Variants in CRPPA observed in about 807,000 individuals in gnomAD.
CRPPA encodes the protein CDP-L-ribitol pyrophosphorylase A.
CRPPA carries 43 observed loss-of-function variants against 52.0 expected under a neutral mutation model. The observed-to-expected ratio is 0.83, with a 90% confidence interval of 0.65 to 1.07. CRPPA has a LOEUF of 1.07. Ranked by LOEUF, CRPPA falls within the 50% of genes least tolerant of loss-of-function variation. The pLI is 0.00. For missense variants in CRPPA, 629 were observed against 551.7 expected, an observed-to-expected ratio of 1.14 and a Z score of -1.40; for synonymous variants, 250 against 203.5, an observed-to-expected ratio of 1.23 and a Z score of -1.94.
intron 3 of CRPPA, among the ~76,000 whole-genome samples, chr7:16,349,540 G>A (rs1021222806): frequency 6.6e-5 from 10 of 152,076 alleles, no homozygotes; most frequent in Non-Finnish European, 1.5e-4. Context: ...GGTGAGAAAA[G>A]CAATGCAAAA....
At chr7:16,264,142 T>C (rs1783891434) in intron 6 of CRPPA, among the ~76,000 whole-genome samples, 1 of 152,138 alleles carries the variant, frequency 6.6e-6, no homozygotes, top group Admixed American at 6.6e-5. Context: ...ATAGCAAAGG[T>C]ATCTGTGACA....
In CRPPA at chr7:16,089,170, A is replaced by T. The variant is rs1781761230; in HGVS notation, c.*2525T>A. The T allele has an allele frequency of 3.4e-6, 1 of 292,840 alleles. No homozygotes were observed. Among genetic ancestry groups the T allele is most frequent in the Admixed American group, 2.8e-5 (1 of 35,392 alleles). The allele number at this position is 292,840 out of a possible 1,614,324, so 18.1% of individuals were successfully genotyped here. On this transcript the variant is annotated 3_prime_UTR_variant, in exon 10 of 10. Transcript: ENST00000407010. ...ATACATAAAACATAAAAATACATAT[A>T]TACGTACGTATATACATATATGTGT... is the stretch of plus-strand genomic sequence containing the variant.
chr7:16,116,585 C>G (rs1360457777), intron 9 of CRPPA, among the ~76,000 whole-genome samples: 1 of 148,416 alleles, frequency 6.7e-6, no homozygotes, highest in South Asian at 2.2e-4. Context: ...TTGCTTGAAC[C>G]CAGGAGATGG....
chr7:16,254,518 C>T (rs1783560227), intron 8 of CRPPA, among the ~76,000 whole-genome samples: 1 of 151,866 alleles, frequency 6.6e-6, no homozygotes, highest in Admixed American at 6.6e-5. Context: ...TGTTCTCACT[C>T]ATAGGTGGGA....
chr7:16,157,872 C>CTT (rs200543846), intron 9 of CRPPA, among the ~76,000 whole-genome samples: 2 of 146,536 alleles, frequency 1.4e-5, no homozygotes, highest in African/African-American at 5.0e-5. Context: ...GTAGATATTT[C>CTT]TTTTTTTTTT....
rs1004971188 is a variant in CRPPA at position 16,157,597 on chromosome 7, A to T, written c.1251+58469T>A. ...ATATGCCTTATGTTTAAAAGCTAAG[A>T]AAAAAGGGACTATTATATAATTCCA... On this transcript the variant is annotated intron_variant, in intron 9 of 9. Transcript: ENST00000407010. Among the ~76,000 whole-genome samples the T allele has an allele frequency of 3.3e-5, 5 of 152,258 alleles. No homozygotes were observed. The East Asian group carries it at 7.7e-4, about 24-fold the overall frequency.
chr7:16,171,857 TC>T (rs911468463), intron 9 of CRPPA, among the ~76,000 whole-genome samples: 48 of 152,230 alleles, frequency 3.2e-4, no homozygotes, highest in African/African-American at 1.1e-3. Context: ...CATTGACACT[TC>T]CAGTATATAT....
At chr7:16,277,997 T>A (rs1174611402) in intron 6 of CRPPA, 132 bp downstream of exon 6, 3 of 643,174 alleles carry the variant, frequency 4.7e-6, no homozygotes, top group African/African-American at 3.7e-5. Context: ...GACCAAAGGA[T>A]CTCATTGAGG....
chr7:16,323,932 A>G (rs564074807), intron 3 of CRPPA, among the ~76,000 whole-genome samples: 1 of 152,344 alleles, frequency 6.6e-6, no homozygotes, highest in Non-Finnish European at 1.5e-5. Context: ...AAAACTGTAG[A>G]GAAAAGCAAA....
At chr7:16,399,075 CA>C (rs1787711409) in intron 2 of CRPPA, among the ~76,000 whole-genome samples, 1 of 152,238 alleles carries the variant, frequency 6.6e-6, no homozygotes, top group Admixed American at 6.5e-5. Flanking sequence ...GCATGACCAA[CA>C]CGTGACTGAC....
At chr7:16,170,983 C>T (rs1456264675) in intron 9 of CRPPA, among the ~76,000 whole-genome samples, 1 of 152,214 alleles carries the variant, frequency 6.6e-6, no homozygotes, top group African/African-American at 2.4e-5. Context: ...AAGAGGGAAG[C>T]CGGCTCCAGC....
chr7:16,398,437 G>A (rs548236399), intron 2 of CRPPA, among the ~76,000 whole-genome samples: 96 of 152,104 alleles, frequency 6.3e-4, no homozygotes, highest in South Asian at 3.9e-3. Context: ...TGACGTGACC[G>A]AGGTTTGTGA....
At chr7:16,397,434 CGT>C in intron 2 of CRPPA, among the ~76,000 whole-genome samples, 1 of 152,178 alleles carries the variant, frequency 6.6e-6, no homozygotes, top group Admixed American at 6.5e-5. Context: ...ACACGTGTAA[CGT>C]GTGATGTAAC....
At chr7:16,202,411 A>C (rs1186604199) in intron 9 of CRPPA, among the ~76,000 whole-genome samples, 2 of 152,198 alleles carry the variant, frequency 1.3e-5, no homozygotes, top group Non-Finnish European at 2.9e-5. Context: ...GTCCTTATAC[A>C]GCTTATAAGT....
intron 8 of CRPPA, among the ~76,000 whole-genome samples, chr7:16,232,294 T>G (rs1262224190): frequency 6.6e-6 from 1 of 152,164 alleles, no homozygotes; most frequent in Non-Finnish European, 1.5e-5. Flanking sequence ...TATTAAGAGA[T>G]AGGGCCTTTA....
At chr7:16,368,460 G>A (rs1016236841) in intron 3 of CRPPA, among the ~76,000 whole-genome samples, 1 of 152,166 alleles carries the variant, frequency 6.6e-6, no homozygotes, top group African/African-American at 2.4e-5. Flanking sequence ...ACGAATTTAT[G>A]TATCTTAAGT....
At chr7:16,388,691 A>G (rs2128314373) in intron 2 of CRPPA, among the ~76,000 whole-genome samples, 1 of 152,312 alleles carries the variant, frequency 6.6e-6, no homozygotes, top group South Asian at 2.1e-4. Flanking sequence ...CCTGGCCAAC[A>G]TGGTGAAATC....
intron 3 of CRPPA, among the ~76,000 whole-genome samples, chr7:16,326,061 C>CAAAA (rs5882567): frequency 2.2e-5 from 3 of 135,644 alleles, no homozygotes; most frequent in South Asian, 2.3e-4. Context: ...AAGAAAATCT[C>CAAAA]AAAAAAAAAA....
chr7:16,300,791 T>G (rs548790806), intron 5 of CRPPA, among the ~76,000 whole-genome samples: 10 of 152,226 alleles, frequency 6.6e-5, no homozygotes, highest in Non-Finnish European at 1.3e-4. Context: ...CTGTCCCTAA[T>G]GCATCTTAAT....
Sources: allele counts gnomAD v4.1 joint callset (sites outside exome capture counted in the v4.1 genomes callset), GRCh38; gene constraint gnomAD v4.1.1; transcripts MANE v1.5; gene names NCBI Gene and HGNC (gene_info 2026-07-23, HGNC 2026-07-21).